FAT1: variants seen among roughly 807,000 people sequenced by gnomAD.
FAT1 encodes the protein FAT atypical cadherin 1, also known as protocadherin Fat 1.
FAT1 carries 171 observed loss-of-function variants against 329.8 expected under a neutral mutation model. The ratio of observed to expected loss-of-function variants is 0.52; its 90% CI spans 0.46 to 0.59. FAT1 has a LOEUF of 0.59. Ranked by LOEUF, FAT1 falls within the 20% of genes least tolerant of loss-of-function variation. FAT1 has a pLI of 0.00. For synonymous variants in FAT1, 2,233 were observed against 2,228.6 expected, an observed-to-expected ratio of 1.00 and a Z score of -0.06; for missense variants, 5,672 against 5,774.4, an observed-to-expected ratio of 0.98 and a Z score of 0.57.
chr4:186,636,601 T>G lies in FAT1; in HGVS notation c.3956A>C (p.Glu1319Ala). ...TTAACTCACTGAAAGAATATCATAT[T>G]CTCCAGCTGCTGAAAACCTCTTGGA... ...VSSKRFSAAG[E>A]YDILSIKAVD... The change falls in exon 5 of 27, where the codon GAA becomes GCA. Residue 1319 changes from glutamate (E) to alanine (A), a missense_variant. Physicochemically the swap from Glu to Ala is moderately radical, Grantham distance 107. This residue lies in a region of FAT1 where 3,966 missense variants were observed against 3,915.2 expected (regional missense o/e 1.01). Coordinates refer to ENST00000441802, the MANE Select transcript of FAT1 (RefSeq NM_005245.4). 6.2e-7 allele frequency: 1 copy of G among 1,610,634 alleles called. No homozygotes were observed. The highest frequency in any genetic ancestry group is 8.5e-7 in the Non-Finnish European group (1 of 1,178,288).
chr4:186,595,559 T>C (rs946108982), intron 26 of FAT1, 130 bp downstream of exon 26: 57 of 1,053,892 alleles, frequency 5.4e-5, no homozygotes, highest in Non-Finnish European at 7.5e-5. Context: ...TATGGTATTG[T>C]TTAAAAGTGG....
intron 11 of FAT1, among the ~76,000 whole-genome samples, chr4:186,615,541 ACT>A (rs1180513632): frequency 6.6e-6 from 1 of 150,908 alleles, no homozygotes; most frequent in Non-Finnish European, 1.5e-5. Context: ...TCATCACTTC[ACT>A]CTCTGATCTG....
At chr4:186,615,829 C>T (rs548559838) in intron 11 of FAT1, among the ~76,000 whole-genome samples, 11 of 152,300 alleles carry the variant, frequency 7.2e-5, no homozygotes, top group East Asian at 3.9e-4. Context: ...CCAGAGACAA[C>T]GCCAAGTTTC....
intron 6 of FAT1, among the ~76,000 whole-genome samples, chr4:186,635,219 A>G (rs1012889957): frequency 6.6e-6 from 1 of 152,216 alleles, no homozygotes; most frequent in Non-Finnish European, 1.5e-5. Context: ...GCAGAAGGGG[A>G]AAAATGGACA....
chr4:186,649,977 T>C (rs1385892737), intron 3 of FAT1, among the ~76,000 whole-genome samples: 5 of 152,222 alleles, frequency 3.3e-5, no homozygotes, highest in Non-Finnish European at 5.9e-5. Flanking sequence ...ATTCCATTAT[T>C]CAGAGATAAC....
At chr4:186,647,242 C>T (rs1741425434) in intron 3 of FAT1, among the ~76,000 whole-genome samples, 1 of 152,184 alleles carries the variant, frequency 6.6e-6, no homozygotes, top group Admixed American at 6.5e-5. Context: ...TTAGCCACCA[C>T]TAATTATGTG....
Position 186,633,841 on chromosome 4 carries a change from A to T in FAT1, c.4184-18T>A. 1 of 1,613,930 alleles carries T rather than the reference A, an allele frequency of 6.2e-7. No homozygotes were observed. Among genetic ancestry groups the T allele is most frequent in the South Asian group, 1.1e-5 (1 of 91,086 alleles). On this transcript the variant is annotated intron_variant, in intron 6 of 26. Coordinates refer to ENST00000441802, the MANE Select transcript of FAT1 (RefSeq NM_005245.4). ...GTTGCCACCTAATTTGGGGAAAAAA[A>T]AGTAAAAACAGGTCACAGGATAACA...
rs1740048818 is a variant in FAT1, at chr4:186,621,542, T to C, written c.5044A>G (p.Ile1682Val). 1 of 1,613,900 alleles carries C rather than the reference T, an allele frequency of 6.2e-7. No homozygotes were observed. The highest frequency in any genetic ancestry group is 1.3e-5 in the African/African-American group (1 of 74,936). Residue 1682 changes from isoleucine (I) to valine (V), a missense_variant, in exon 10 of 27, where the codon ATT becomes GTT. This residue lies in a region of FAT1 where 3,966 missense variants were observed against 3,915.2 expected (regional missense o/e 1.01). Coordinates refer to ENST00000441802, the MANE Select transcript of FAT1 (RefSeq NM_005245.4). The part of the protein sequence containing the change: ...YSVELSETVS[I>V]GSFVGMVTAH... ...GTAACCATCCCAACGAAACTCCCAA[T>C]GCTGACAGTTTCACTAAGTTCAACA...
Position 186,642,885 on chromosome 4 carries a change from C to T in FAT1, c.3581-3102G>A, listed in dbSNP as rs140756798. Among the ~76,000 whole-genome samples, 1,048 of 152,200 alleles carry T rather than the reference C, an allele frequency of 6.9e-3. 10 individuals carry two copies. The highest frequency in any genetic ancestry group is 0.023 in the African/African-American group (948 of 41,518). ...TCTGCTGGAAGAGAAGCTTCGTGTC[C>T]CAGAAGCCAAAGGCAGACGATTTTA... On this transcript the variant is annotated intron_variant, in intron 3 of 26. Transcript: ENST00000441802.
chr4:186,679,345 A>T (rs1396359802), intron 2 of FAT1, among the ~76,000 whole-genome samples: 2 of 138,632 alleles, frequency 1.4e-5, no homozygotes, highest in African/African-American at 5.4e-5. Context: ...TGAACCTGGG[A>T]GGCGGAGCTT....
intron 16 of FAT1, among the ~76,000 whole-genome samples, chr4:186,607,592 AGATGGATGGGTGG>A (rs1739212135): frequency 6.6e-6 from 1 of 151,270 alleles, no homozygotes. Flanking sequence ...ATGACTGGAT[AGATGGATGGGTGG>A]GGTGGATGGA....
In FAT1 at chr4:186,619,133, C is replaced by T. The variant is rs1427275367; in HGVS notation, c.7453G>A (p.Gly2485Ser). 3 of 1,613,858 alleles carry T rather than the reference C, an allele frequency of 1.9e-6. No homozygotes were observed. The highest frequency in any genetic ancestry group is 2.5e-6 in the Non-Finnish European group (3 of 1,179,906). ...AGGAAAGCAGGACTGTGCAAATTGCCTCCAATTACAGTTACATGAACCTGG... is the reference window on the plus strand; with the variant it reads ...AGGAAAGCAGGACTGTGCAAATTGCTTCCAATTACAGTTACATGAACCTGG... ...STQVHVTVIG[G>S]NLHSPAFLQN... The change falls in exon 10 of 27, where the codon GGC becomes AGC. Residue 2485 changes from glycine (G) to serine (S), a missense_variant. Gly to Ser is a moderately conservative substitution (Grantham distance 56). Around this residue, in one of 2 missense-constraint regions of FAT1, gnomAD observed 3,966 missense variants for 3,915.2 expected, o/e 1.01. Transcript: ENST00000441802.
At chr4:186,716,915 C>G (rs986249158) in intron 1 of FAT1, among the ~76,000 whole-genome samples, 5 of 152,022 alleles carry the variant, frequency 3.3e-5, no homozygotes, top group African/African-American at 1.2e-4. Flanking sequence ...TCCTGAGTAG[C>G]TAGGAATACA....
At chr4:186,721,896 T>A (rs1023577654) in intron 1 of FAT1, among the ~76,000 whole-genome samples, 1 of 152,214 alleles carries the variant, frequency 6.6e-6, no homozygotes, top group African/African-American at 2.4e-5. Flanking sequence ...TGAATTGCAA[T>A]GGCACGATCT....
intron 2 of FAT1, among the ~76,000 whole-genome samples, chr4:186,694,224 C>G (rs1481615252): frequency 2.6e-5 from 4 of 152,228 alleles, no homozygotes; most frequent in African/African-American, 9.6e-5. Context: ...CCTAACCTAA[C>G]CACCATCTCC....
chr4:186,647,770 T>C (rs1741447939), intron 3 of FAT1, among the ~76,000 whole-genome samples: 1 of 152,220 alleles, frequency 6.6e-6, no homozygotes, highest in South Asian at 2.1e-4. Flanking sequence ...CATAGTATTT[T>C]TGGTGGTAAA....
intron 1 of FAT1, among the ~76,000 whole-genome samples, chr4:186,721,233 G>A (rs327104): frequency 0.15 from 22,411 of 152,068 alleles, 1,827 homozygotes; most frequent in Middle Eastern, 0.23. Flanking sequence ...TTAAATCTGG[G>A]ACTTACAGTA....
chr4:186,718,794 C>T (rs978689371), intron 1 of FAT1, among the ~76,000 whole-genome samples: 24 of 152,174 alleles, frequency 1.6e-4, no homozygotes, highest in African/African-American at 4.8e-4. Flanking sequence ...CACAGCACCG[C>T]CCTGGCTTCC....
chr4:186,705,487 A>G (rs1305819637), intron 2 of FAT1, among the ~76,000 whole-genome samples: 1 of 152,212 alleles, frequency 6.6e-6, no homozygotes, highest in African/African-American at 2.4e-5. Flanking sequence ...GATGAGTGCT[A>G]TGATCACCCC....
Sources: gnomAD v4.1 joint callset for allele counts (sites outside exome capture counted in the v4.1 genomes callset) on GRCh38, gnomAD v4.1.1 for gene constraint, gnomAD v4.1.1 regional missense constraint, MANE v1.5 for transcripts, NCBI Gene and HGNC (gene_info 2026-07-23, HGNC 2026-07-21) for gene names.